The following MEIS2 variants were observed in gnomAD, a reference collection of about 807,000 sequenced individuals.
MEIS2 encodes homeobox protein Meis2.
A neutral mutation model predicts 58.6 loss-of-function variants in MEIS2; 9 were observed. The ratio of observed to expected loss-of-function variants is 0.15; its 90% CI spans 0.09 to 0.27. MEIS2 has a LOEUF of 0.27. MEIS2 is among the 10% of genes least tolerant of loss of function. MEIS2 has a pLI of 1.00. For synonymous variants in MEIS2, 221 were observed against 228.4 expected (o/e 0.97, Z 0.29); for missense variants, 427 against 635.0 (o/e 0.67, Z 3.52).
In MEIS2 at chr15:36,960,648, T is replaced by A. The variant is rs1366997699; in HGVS notation, c.901-10248A>T. ...TTTTCTAACATACACAGAGAGCTTCTTTCTGCATATAAATGAGTGTTTCAT... is the reference window on the plus strand; with the variant it reads ...TTTTCTAACATACACAGAGAGCTTCATTCTGCATATAAATGAGTGTTTCAT... On this transcript the variant is annotated intron_variant, in intron 8 of 11. Coordinates refer to ENST00000561208, the MANE Select transcript of MEIS2 (RefSeq NM_170675.5). Among the ~76,000 whole-genome samples, 3 of 152,146 alleles carry A rather than the reference T, an allele frequency of 2.0e-5. No individual in the cohort carries two copies. The East Asian group carries it at 5.8e-4, about 29-fold the overall frequency.
intron 9 of MEIS2, among the ~76,000 whole-genome samples, chr15:36,922,211 G>C (rs2141299557): frequency 6.6e-6 from 1 of 152,288 alleles, no homozygotes; most frequent in Admixed American, 6.5e-5. Context: ...GAGGAGCTTT[G>C]CAACAGTGAA....
chr15:37,089,040 A>T (rs572646547), intron 6 of MEIS2, among the ~76,000 whole-genome samples: 133 of 152,298 alleles, frequency 8.7e-4, no homozygotes, highest in Non-Finnish European at 1.6e-3. Context: ...TAGTATAATT[A>T]TTCTTAATGG....
intron 8 of MEIS2, among the ~76,000 whole-genome samples, chr15:36,992,730 G>A (rs1306723560): frequency 2.6e-5 from 4 of 151,808 alleles, no homozygotes; most frequent in African/African-American, 9.7e-5. Flanking sequence ...GCAAATACTC[G>A]TGAAATTAGA....
At chr15:37,064,483 A>T (rs1176299777) in intron 7 of MEIS2, among the ~76,000 whole-genome samples, 1 of 152,222 alleles carries the variant, frequency 6.6e-6, no homozygotes, top group African/African-American at 2.4e-5. Flanking sequence ...AGCAATCCTT[A>T]CAGCAAATGA....
chr15:37,015,850 T>C (rs1006488949), intron 8 of MEIS2, among the ~76,000 whole-genome samples: 11 of 152,148 alleles, frequency 7.2e-5, no homozygotes, highest in Non-Finnish European at 1.2e-4. Context: ...TCCATGCTTT[T>C]ACATTCTACA....
Position 37,097,986 on chromosome 15 carries a change from C to A in MEIS2, c.226G>T (p.Asp76Tyr). 2 of 1,605,376 alleles carry A rather than the reference C, an allele frequency of 1.2e-6. No homozygotes were observed. The highest frequency in any genetic ancestry group is 1.1e-5 in the South Asian group (1 of 89,924). The change falls in exon 2 of 12, where the codon GAC becomes TAC. Residue 76 changes from aspartate to tyrosine, a missense_variant. Physicochemically the swap from Asp to Tyr is radical, Grantham distance 160. This residue lies in a region of MEIS2 where 138 missense variants were observed against 263.0 expected (regional missense o/e 0.52). Transcript: ENST00000561208. Reference sequence around the variant, plus strand: ...GTTTACCCATAGATCGCGTCCTTGTCCCGCTTCAAGGCGTCGTTGACAGCG... The same window carrying A: ...GTTTACCCATAGATCGCGTCCTTGTACCGCTTCAAGGCGTCGTTGACAGCG... ...GSAVNDALKR[D>Y]KDAIYGHPLF...
At chr15:37,052,703 CTTCT>C (rs1013022387) in intron 7 of MEIS2, among the ~76,000 whole-genome samples, 1 of 152,118 alleles carries the variant, frequency 6.6e-6, no homozygotes, top group African/African-American at 2.4e-5. Flanking sequence ...TTTTTCCTTC[CTTCT>C]TTCACTTATT....
At chr15:36,956,119 C>A (rs1778713561) in intron 8 of MEIS2, among the ~76,000 whole-genome samples, 2 of 147,560 alleles carry the variant, frequency 1.4e-5, no homozygotes, top group Non-Finnish European at 3.0e-5. Context: ...TGGCGTGAAC[C>A]CGGGAGGCGG....
intron 8 of MEIS2, among the ~76,000 whole-genome samples, chr15:36,974,837 CT>C: frequency 6.6e-6 from 1 of 152,328 alleles, no homozygotes; most frequent in East Asian, 1.9e-4. Context: ...GATAGACACA[CT>C]CATCAGAATT....
chr15:36,976,945 G>A (rs1233093795), intron 8 of MEIS2, among the ~76,000 whole-genome samples: 3 of 152,148 alleles, frequency 2.0e-5, no homozygotes, highest in Admixed American at 2.0e-4. Flanking sequence ...CCAACATGGA[G>A]AAACCCCATC....
chr15:36,942,723 C>T (rs1171773761), intron 9 of MEIS2, among the ~76,000 whole-genome samples: 1 of 151,818 alleles, frequency 6.6e-6, no homozygotes, highest in African/African-American at 2.4e-5. Context: ...TTGGAAAGAA[C>T]TTAAAGACTA....
intron 8 of MEIS2, among the ~76,000 whole-genome samples, chr15:36,976,665 T>C (rs1192213955): frequency 6.6e-6 from 1 of 151,934 alleles, no homozygotes; most frequent in Non-Finnish European, 1.5e-5. Flanking sequence ...CTGAATTGCT[T>C]ATACATTTGC....
chr15:37,100,933 G>A (rs1156279745), upstream of MEIS2: 2 of 151,214 alleles, frequency 1.3e-5, no homozygotes, highest in Non-Finnish European at 2.9e-5. Context: ...CTGCCTAACT[G>A]GGTCTTGCCG....
chr15:37,040,047 G>GTTTTTTTTT (rs11393172), intron 7 of MEIS2, among the ~76,000 whole-genome samples: 1 of 145,108 alleles, frequency 6.9e-6, no homozygotes. Context: ...GGATATTGGT[G>GTTTTTTTTT]TTTTTTTTTT....
At chr15:37,070,360 G>C (rs1423724262) in intron 7 of MEIS2, among the ~76,000 whole-genome samples, 1 of 152,136 alleles carries the variant, frequency 6.6e-6, no homozygotes, top group Non-Finnish European at 1.5e-5. Context: ...TCTATCCAAA[G>C]GTACTTCAAT....
intron 9 of MEIS2, among the ~76,000 whole-genome samples, chr15:36,946,789 T>A (rs190573127): frequency 5.9e-4 from 90 of 152,140 alleles, no homozygotes; most frequent in Non-Finnish European, 1.1e-3. Context: ...TAAAGGGGTT[T>A]AGTAATTGCT....
intron 8 of MEIS2, among the ~76,000 whole-genome samples, chr15:37,034,958 A>T (rs898383896): frequency 6.6e-6 from 1 of 152,184 alleles, no homozygotes; most frequent in Non-Finnish European, 1.5e-5. Context: ...TAAACAGAGC[A>T]GCTGCATTCT....
At chr15:36,903,567 C>T (rs1418861517) in intron 9 of MEIS2, among the ~76,000 whole-genome samples, 1 of 152,196 alleles carries the variant, frequency 6.6e-6, no homozygotes, top group Admixed American at 6.5e-5. Context: ...ACAGAAGGTA[C>T]ACCTACAAGT....
At chr15:37,097,640 C>G (rs1423290167) in intron 2 of MEIS2, among the ~76,000 whole-genome samples, 1 of 152,178 alleles carries the variant, frequency 6.6e-6, no homozygotes, top group Non-Finnish European at 1.5e-5. Flanking sequence ...TGTTAGGGAG[C>G]CTGAAACGAG....
Sources: allele counts gnomAD v4.1 joint callset (sites outside exome capture counted in the v4.1 genomes callset), GRCh38; gene constraint gnomAD v4.1.1; regional missense constraint gnomAD v4.1.1; transcripts MANE v1.5; gene names NCBI Gene and HGNC (gene_info 2026-07-23, HGNC 2026-07-21).